Variants in GPR137C observed in about 807,000 individuals in gnomAD.
The protein encoded by GPR137C is G protein-coupled receptor 137C, also known as integral membrane protein GPR137C.
GPR137C carries 27 observed loss-of-function variants against 43.4 expected under a neutral mutation model. The ratio of observed to expected loss-of-function variants is 0.62; its 90% CI spans 0.46 to 0.86. The LOEUF (loss-of-function observed/expected upper bound fraction) is 0.86, where lower values mean the gene tolerates loss of function less well. GPR137C is among the 40% of genes least tolerant of loss of function. The pLI, the probability that GPR137C is intolerant of heterozygous loss-of-function variation, is 0.00. For missense variants in GPR137C, 522 were observed against 534.6 expected, an observed-to-expected ratio of 0.98 and a Z score of 0.23; for synonymous variants, 285 against 226.9, an observed-to-expected ratio of 1.26 and a Z score of -2.30.
At chr14:52,571,598 C>T (rs542136090) in intron 1 of GPR137C, among the ~76,000 whole-genome samples, 16 of 152,088 alleles carry the variant, frequency 1.1e-4, no homozygotes, top group South Asian at 2.1e-4. Flanking sequence ...CACTTGAACC[C>T]GGGAGGTGGA....
At chr14:52,619,097 C>A (rs1018646057) in intron 3 of GPR137C, among the ~76,000 whole-genome samples, 1 of 152,154 alleles carries the variant, frequency 6.6e-6, no homozygotes, top group African/African-American at 2.4e-5. Flanking sequence ...TTCACTCAAT[C>A]CTTGATCCTT....
intron 2 of GPR137C, among the ~76,000 whole-genome samples, chr14:52,598,559 GT>G (rs1331518822): frequency 6.6e-6 from 1 of 151,916 alleles, no homozygotes; most frequent in Non-Finnish European, 1.5e-5. Flanking sequence ...CTAATTTTTT[GT>G]TTTTTTGCTG....
At chr14:52,578,944 C>CAA (rs564809341) in intron 1 of GPR137C, among the ~76,000 whole-genome samples, 4 of 93,942 alleles carry the variant, frequency 4.3e-5, no homozygotes, top group Admixed American at 1.1e-4. Flanking sequence ...GACTCCGTCT[C>CAA]AAAAAAAAAA....
chr14:52,592,019 A>G (rs1393571510), intron 1 of GPR137C, among the ~76,000 whole-genome samples: 2 of 152,146 alleles, frequency 1.3e-5, no homozygotes, highest in African/African-American at 4.8e-5. Context: ...TAACGAAAGG[A>G]TCCAGTTTCA....
intron 1 of GPR137C, among the ~76,000 whole-genome samples, chr14:52,564,953 T>C (rs1007776087): frequency 6.6e-6 from 1 of 150,652 alleles, no homozygotes; most frequent in African/African-American, 2.4e-5. Context: ...ATGCTTGCTT[T>C]AAAACAAAAG....
chr14:52,570,021 A>G (rs939445425), intron 1 of GPR137C, among the ~76,000 whole-genome samples: 2 of 152,176 alleles, frequency 1.3e-5, no homozygotes, highest in African/African-American at 4.8e-5. Flanking sequence ...CCACAAGAAG[A>G]GCAATGCAAG....
intron 3 of GPR137C, among the ~76,000 whole-genome samples, chr14:52,622,824 A>AT (rs1227018639): frequency 6.6e-6 from 1 of 152,136 alleles, no homozygotes; most frequent in Non-Finnish European, 1.5e-5. Flanking sequence ...TAGGGTTTAT[A>AT]TTTAATATAA....
rs2039320959 is a variant in GPR137C at position 52,633,808 on chromosome 14, A to G, written c.994-20A>G. Reference sequence around the variant, plus strand: ...TGGAAAAGTAAAACCTTCATATGCTATCTAATACTTTGTTCACAGGCACCT... The same window carrying G: ...TGGAAAAGTAAAACCTTCATATGCTGTCTAATACTTTGTTCACAGGCACCT... On this transcript the variant is annotated intron_variant, in intron 5 of 6. Transcript: ENST00000321662. 1 of 1,561,988 alleles carries G rather than the reference A, an allele frequency of 6.4e-7. No individual in the cohort carries two copies. The highest frequency in any genetic ancestry group is 8.8e-7 in the Non-Finnish European group (1 of 1,133,146).
intron 1 of GPR137C, among the ~76,000 whole-genome samples, chr14:52,593,694 T>G (rs1441199707): frequency 6.6e-6 from 1 of 152,194 alleles, no homozygotes; most frequent in African/African-American, 2.4e-5. Context: ...TATCATTTTT[T>G]GTTGCATCTA....
At chr14:52,617,362 G>A (rs917836069) in intron 3 of GPR137C, among the ~76,000 whole-genome samples, 4 of 151,940 alleles carry the variant, frequency 2.6e-5, no homozygotes, top group Non-Finnish European at 5.9e-5. Flanking sequence ...AAAGGCCTTA[G>A]AGAGAGTGTA....
intron 1 of GPR137C, among the ~76,000 whole-genome samples, chr14:52,575,724 A>C (rs1036668157): frequency 6.6e-6 from 1 of 152,222 alleles, no homozygotes; most frequent in Non-Finnish European, 1.5e-5. Flanking sequence ...CAGGATCCCT[A>C]TGAGCCTTGA....
chr14:52,564,509 TTC>T (rs1466839724), intron 1 of GPR137C, among the ~76,000 whole-genome samples: 1 of 152,148 alleles, frequency 6.6e-6, no homozygotes, highest in Non-Finnish European at 1.5e-5. Context: ...ACTTAGAATG[TTC>T]TTTCCTCCTC....
chr14:52,630,406 A>G (rs930949385), intron 3 of GPR137C, among the ~76,000 whole-genome samples: 2 of 152,104 alleles, frequency 1.3e-5, no homozygotes, highest in African/African-American at 4.8e-5. Context: ...CTTTAATAAT[A>G]CATTACTTCT....
chr14:52,608,977 T>C (rs1010245959), intron 3 of GPR137C, among the ~76,000 whole-genome samples: 7 of 152,296 alleles, frequency 4.6e-5, no homozygotes, highest in Middle Eastern at 3.4e-3. Context: ...TTTCTCCAGG[T>C]TTGGGAAGTT....
At chr14:52,588,237 C>T (rs1015243704) in intron 1 of GPR137C, among the ~76,000 whole-genome samples, 3 of 152,248 alleles carry the variant, frequency 2.0e-5, no homozygotes, top group South Asian at 2.1e-4. Flanking sequence ...CTCTGCCTCC[C>T]GAGTTCAGGC....
intron 1 of GPR137C, among the ~76,000 whole-genome samples, chr14:52,560,167 A>T (rs182995888): frequency 6.6e-6 from 1 of 152,306 alleles, no homozygotes; most frequent in Non-Finnish European, 1.5e-5. Context: ...AAAAACAACA[A>T]TTCTACATGC....
At chr14:52,623,419 C>T (rs1051033557) in intron 3 of GPR137C, among the ~76,000 whole-genome samples, 1 of 152,100 alleles carries the variant, frequency 6.6e-6, no homozygotes, top group African/African-American at 2.4e-5. Flanking sequence ...AATAACTTAG[C>T]CTTTAAAATG....
chr14:52,601,574 T>C (rs1188394975), intron 3 of GPR137C, among the ~76,000 whole-genome samples: 1 of 151,940 alleles, frequency 6.6e-6, no homozygotes, highest in East Asian at 1.9e-4. Flanking sequence ...TAATCTTACC[T>C]GGAAAATTAT....
chr14:52,630,280 C>T (rs1322444964), intron 3 of GPR137C, among the ~76,000 whole-genome samples: 1 of 152,036 alleles, frequency 6.6e-6, no homozygotes, highest in Non-Finnish European at 1.5e-5. Flanking sequence ...TGTATTATAG[C>T]ATGTTTCTGA....
Sources: allele counts gnomAD v4.1 joint callset (sites outside exome capture counted in the v4.1 genomes callset), GRCh38; gene constraint gnomAD v4.1.1; transcripts MANE v1.5; gene names NCBI Gene and HGNC (gene_info 2026-07-23, HGNC 2026-07-21).